Variants in UROC1 observed in about 807,000 individuals in gnomAD.
The protein encoded by UROC1 is urocanate hydratase 1, also known as urocanate hydratase.
A neutral mutation model predicts 89.5 loss-of-function variants in UROC1; 79 were observed. The observed-to-expected ratio is 0.88, with a 90% CI of 0.74 to 1.06. The LOEUF (loss-of-function observed/expected upper bound fraction) is 1.06, where lower values mean the gene tolerates loss of function less well. Ranked by LOEUF, UROC1 falls within the 50% of genes least tolerant of loss-of-function variation. UROC1 has a pLI of 0.00. For synonymous variants in UROC1, 361 were observed against 354.8 expected, an observed-to-expected ratio of 1.02 and a Z score of -0.20; for missense variants, 885 against 907.8, an observed-to-expected ratio of 0.97 and a Z score of 0.32.
intron 18 of UROC1, among the ~76,000 whole-genome samples, chr3:126,487,119 C>A (rs914887404): frequency 4.6e-5 from 7 of 152,164 alleles, no homozygotes; most frequent in Non-Finnish European, 7.4e-5. Context: ...GCCCTGCTGT[C>A]CCTGCCCTAA....
chr3:126,505,338 A>T (rs773293946), intron 8 of UROC1, among the ~76,000 whole-genome samples: 20 of 152,176 alleles, frequency 1.3e-4, no homozygotes, highest in Admixed American at 1.0e-3. Flanking sequence ...TGGGGAGTCT[A>T]TGAGTTCATT....
chr3:126,486,147 A>G (rs1367393463), intron 18 of UROC1, among the ~76,000 whole-genome samples: 1 of 152,188 alleles, frequency 6.6e-6, no homozygotes, highest in East Asian at 1.9e-4. Context: ...TAAAGTTGGA[A>G]ACACCGGCTG....
chr3:126,490,296 C>A (rs779709605), intron 16 of UROC1, among the ~76,000 whole-genome samples: 1 of 152,210 alleles, frequency 6.6e-6, no homozygotes, highest in South Asian at 2.1e-4. Context: ...TTTGCCCCCA[C>A]GAGATGGATG....
Position 126,488,295 on chromosome 3 carries a change from C to G in UROC1, c.1709-16G>C. On this transcript the variant is annotated splice_polypyrimidine_tract_variant and intron_variant, in intron 17 of 19. Coordinates refer to ENST00000290868, the MANE Select transcript of UROC1 (RefSeq NM_144639.3). ...ACAGCCATGTCTGCGGAAATAGAGA[C>G]GCCTCTGCTCATCACCCCCTGCACT... 2 of 1,614,092 alleles carry G rather than the reference C, an allele frequency of 1.2e-6. No homozygotes were observed. The highest frequency in any genetic ancestry group is 1.7e-6 in the Non-Finnish European group (2 of 1,179,954).
chr3:126,482,515 G>C (rs758799514), intron 19 of UROC1, 30 bp from the exon 20 acceptor site: 1 of 1,613,652 alleles, frequency 6.2e-7, no homozygotes, highest in South Asian at 1.1e-5. Flanking sequence ...AGCAGTCCAT[G>C]TCAACATAAC....
chr3:126,484,965 A>C (rs79094588), intron 18 of UROC1, among the ~76,000 whole-genome samples: 20,998 of 152,214 alleles, frequency 0.14, 1,545 homozygotes, highest in African/African-American at 0.16. Flanking sequence ...GTCAGAGACC[A>C]AGGCCGCTCA....
At chr3:126,500,644 G>T in intron 11 of UROC1, 51 bp downstream of exon 11, 1 of 1,608,486 alleles carries the variant, frequency 6.2e-7, no homozygotes, top group African/African-American at 1.3e-5. Flanking sequence ...AGCAGGACAA[G>T]GTGGTCTGCC....
rs777318670 is a variant in UROC1 at position 126,510,696 on chromosome 3, G to A, written c.225C>T (p.Tyr75=). Reference sequence around the variant, plus strand: ...CAATGTCGGGGCAAAACCGGTACATGTAGATGTGTCCGTACAGTTGCAGCT... The same window carrying A: ...CAATGTCGGGGCAAAACCGGTACATATAGATGTGTCCGTACAGTTGCAGCT... The part of the protein sequence containing the change: ...AQELQLYGHI[Y]MYRFCPDIEM... The change falls in exon 2 of 20, where the codon TAC becomes TAT. Residue 75 remains tyrosine, a synonymous_variant. Transcript: ENST00000290868. 2 of 1,614,068 alleles carry A rather than the reference G, an allele frequency of 1.2e-6. No individual in the cohort carries two copies. Among genetic ancestry groups the A allele is most frequent in the African/African-American group, 1.3e-5 (1 of 74,934 alleles).
intron 1 of UROC1, among the ~76,000 whole-genome samples, chr3:126,511,684 A>T (rs554864106): frequency 6.6e-6 from 1 of 152,380 alleles, no homozygotes; most frequent in South Asian, 2.1e-4. Flanking sequence ...GGCCATTCTT[A>T]AAGGTGAAAT....
chr3:126,503,021 A>C (rs1935974549), intron 9 of UROC1, among the ~76,000 whole-genome samples: 1 of 151,522 alleles, frequency 6.6e-6, no homozygotes, highest in South Asian at 2.1e-4. Flanking sequence ...GTGTGTGTTT[A>C]TGTGTGTGCG....
Position 126,508,376 on chromosome 3 carries a change from A to G in UROC1, c.411+40T>C, listed in dbSNP as rs763361160. 3.1e-6 allele frequency: 5 copies of G among 1,604,202 alleles called. 1 individual carries two copies. In the South Asian group the frequency reaches 5.5e-5, roughly 18 times the overall value. On this transcript the variant is annotated intron_variant, in intron 4 of 19. Coordinates refer to ENST00000290868, the MANE Select transcript of UROC1 (RefSeq NM_144639.3). ...TAGGCCAGAGGACCAGACTAGAGGA[A>G]AGGCCAGGGGTGGGGACGAGGCCAC...
At chr3:126,495,923 G>A in intron 15 of UROC1, 115 bp downstream of exon 15, 3 of 1,032,924 alleles carry the variant, frequency 2.9e-6, no homozygotes, top group Non-Finnish European at 2.9e-6. Flanking sequence ...ACCCTCTCAG[G>A]GCTTGGCAAG....
intron 4 of UROC1, 54 bp from the exon 5 acceptor site, chr3:126,508,149 C>T: frequency 6.2e-7 from 1 of 1,612,152 alleles, no homozygotes; most frequent in Non-Finnish European, 8.5e-7. Flanking sequence ...CACCCCACAC[C>T]CAGCCCCACA....
In UROC1 at chr3:126,481,322, C is replaced by T. The variant is rs111279606; in HGVS notation, c.*1023G>A. 3 of 152,252 alleles carry T rather than the reference C, an allele frequency of 2.0e-5. No individual in the cohort carries two copies. The highest frequency in any genetic ancestry group is 7.2e-5 in the African/African-American group (3 of 41,534). The allele number at this position is 152,252 out of a possible 1,614,324, so 9.4% of individuals were successfully genotyped here. ...GGTTTTATTTACCCTATATTGCTGC[C>T]CACACAAAACTAGGCTTTTGTTCAC... On this transcript the variant is annotated 3_prime_UTR_variant, in exon 20 of 20. Transcript: ENST00000290868.
chr3:126,516,797 C>T (rs1464368531), intron 1 of UROC1, among the ~76,000 whole-genome samples: 1 of 146,844 alleles, frequency 6.8e-6, no homozygotes, highest in Non-Finnish European at 1.5e-5. Flanking sequence ...CTGTGGGTGG[C>T]TCCAGAAAAG....
intron 9 of UROC1, among the ~76,000 whole-genome samples, chr3:126,502,773 G>A (rs1156568029): frequency 6.6e-6 from 1 of 151,036 alleles, no homozygotes; most frequent in African/African-American, 2.4e-5. Flanking sequence ...GTTTGTGTGT[G>A]CAAGTATGTG....
intron 15 of UROC1, among the ~76,000 whole-genome samples, chr3:126,495,805 C>T (rs576145777): frequency 6.6e-6 from 1 of 152,344 alleles, no homozygotes; most frequent in Non-Finnish European, 1.5e-5. Flanking sequence ...CCAGGCCACC[C>T]TTTAAAGGTC....
rs1936041983 is a variant in UROC1 at position 126,505,781 on chromosome 3, CA to C, written c.732del (p.Phe244LeufsTer9). 1 of 1,613,842 alleles carries C rather than the reference CA, an allele frequency of 6.2e-7. No individual in the cohort carries two copies. The highest frequency in any genetic ancestry group is 1.3e-5 in the African/African-American group (1 of 74,936). ...CTCATTCCGCCGAGCCCAGAGGTGA[CA>C]AAGACCTTCCCAGCCAAGTCCTCGA... Reference protein sequence around the residue: ...LGIEDLAGKVFVTSGLGGMSG... With the variant: ...LGIEDLAGKVXVTSGLGGMSG... On this transcript the variant is annotated frameshift_variant, in exon 8 of 20. Coordinates refer to ENST00000290868, the MANE Select transcript of UROC1 (RefSeq NM_144639.3). LOFTEE classifies it high-confidence loss of function.
intron 10 of UROC1, 52 bp downstream of exon 10, chr3:126,501,166 G>C: frequency 6.3e-7 from 1 of 1,598,656 alleles, no homozygotes; most frequent in Non-Finnish European, 8.6e-7. Flanking sequence ...CTTTGCTCAG[G>C]GGGCCCCATC....
Sources: allele counts gnomAD v4.1 joint callset (sites outside exome capture counted in the v4.1 genomes callset), GRCh38; gene constraint gnomAD v4.1.1; transcripts MANE v1.5; gene names NCBI Gene and HGNC (gene_info 2026-07-23, HGNC 2026-07-21).